LRP1B: variants seen among roughly 807,000 people sequenced by gnomAD.
The protein encoded by LRP1B is low-density lipoprotein receptor-related protein 1B.
LRP1B carries 217 observed loss-of-function variants against 556.6 expected under a neutral mutation model. The observed-to-expected ratio is 0.39, with a 90% CI of 0.35 to 0.44. The LOEUF (loss-of-function observed/expected upper bound fraction) is 0.44. Ranked by LOEUF, LRP1B falls within the 20% of genes least tolerant of loss-of-function variation. The pLI, the probability that LRP1B is intolerant of heterozygous loss-of-function variation, is 1.00. For missense variants in LRP1B, 5,053 were observed against 5,620.8 expected, an observed-to-expected ratio of 0.90 and a Z score of 3.23; for synonymous variants, 2,047 against 1,865.8, an observed-to-expected ratio of 1.10 and a Z score of -2.50.
At chr2:141,598,002 G>A (rs574156178) in intron 2 of LRP1B, among the ~76,000 whole-genome samples, 1 of 152,094 alleles carries the variant, frequency 6.6e-6, no homozygotes, top group East Asian at 1.9e-4. Context: ...GGCCTACACT[G>A]AACTAAGAGA....
chr2:141,564,941 A>G (rs1017132513), intron 2 of LRP1B, among the ~76,000 whole-genome samples: 5 of 152,162 alleles, frequency 3.3e-5, no homozygotes, highest in Non-Finnish European at 7.4e-5. Context: ...CACATTAATA[A>G]TGAATAAAAG....
At position 141,326,555 on chromosome 2, in the gene LRP1B, G is replaced by C. The variant is rs150191102; in HGVS notation, c.344-71914C>G. Among the ~76,000 whole-genome samples, 668 of 152,232 alleles carry C rather than the reference G, an allele frequency of 4.4e-3. 10 individuals are homozygous for C. The highest frequency in any genetic ancestry group is 6.1e-3 in the Non-Finnish European group (415 of 68,002). ...AAATGAAAATGCAGTAGGCAAATCA[G>C]GTAAACCAGTGGTTCCCAACCGATG... is the stretch of plus-strand genomic sequence containing the variant. On this transcript the variant is annotated intron_variant, in intron 3 of 90. Transcript: ENST00000389484.
intron 3 of LRP1B, among the ~76,000 whole-genome samples, chr2:141,370,379 T>G (rs181706653): frequency 3.8e-4 from 58 of 152,354 alleles, no homozygotes; most frequent in Admixed American, 2.2e-3. Flanking sequence ...GTGGTTTTAG[T>G]TCACATTTCC....
chr2:140,671,618 T>G (rs1026892947), intron 41 of LRP1B, among the ~76,000 whole-genome samples: 22 of 152,216 alleles, frequency 1.4e-4, no homozygotes, highest in Middle Eastern at 3.2e-3. Context: ...TTCAGGTGCA[T>G]TACTCGCACA....
intron 3 of LRP1B, among the ~76,000 whole-genome samples, chr2:141,448,597 T>C (rs933306892): frequency 1.3e-5 from 2 of 152,082 alleles, no homozygotes; most frequent in Admixed American, 6.5e-5. Flanking sequence ...CTGGGCCGGA[T>C]TGCACCATTC....
intron 41 of LRP1B, among the ~76,000 whole-genome samples, chr2:140,675,539 A>G (rs1435084110): frequency 6.6e-6 from 1 of 152,232 alleles, no homozygotes; most frequent in Non-Finnish European, 1.5e-5. Flanking sequence ...GTTACCAAAT[A>G]GTCTTTAATT....
intron 77 of LRP1B, among the ~76,000 whole-genome samples, chr2:140,345,905 TCTCAG>T (rs1681651923): frequency 6.7e-6 from 1 of 148,418 alleles, no homozygotes; most frequent in Non-Finnish European, 1.5e-5. Flanking sequence ...TTCTTTCTCA[TCTCAG>T]CTCAAATCTC....
chr2:140,361,024 A>G (rs1038224572), intron 72 of LRP1B, among the ~76,000 whole-genome samples: 10 of 151,202 alleles, frequency 6.6e-5, no homozygotes, highest in African/African-American at 2.2e-4. Context: ...TCATCGATGT[A>G]ACTACCTTTT....
chr2:140,757,746 T>C (rs1424056867), intron 35 of LRP1B, among the ~76,000 whole-genome samples: 1 of 152,146 alleles, frequency 6.6e-6, no homozygotes. Flanking sequence ...CAGGGCATGG[T>C]GGCATGCGCC....
intron 35 of LRP1B, among the ~76,000 whole-genome samples, chr2:140,753,195 A>G (rs1406694428): frequency 6.6e-6 from 1 of 152,214 alleles, no homozygotes; most frequent in African/African-American, 2.4e-5. Context: ...AAGAAATTTC[A>G]ACAGTGTAAC....
At position 140,962,261 on chromosome 2, in the gene LRP1B, A is replaced by C. The variant is rs557615930; in HGVS notation, c.2888-10321T>G. On this transcript the variant is annotated intron_variant, in intron 18 of 90. Transcript: ENST00000389484. ...TATAAGCACATCATGTAGAATTGTC[A>C]TCTCCTTATTGAGGTTTTGCACACC... Among the ~76,000 whole-genome samples the C allele has an allele frequency of 1.2e-4, 18 of 152,272 alleles. 1 individual carries two copies. Among genetic ancestry groups the C allele is most frequent in the African/African-American group, 3.8e-4 (16 of 41,566 alleles).
intron 77 of LRP1B, among the ~76,000 whole-genome samples, chr2:140,338,855 G>A (rs959304853): frequency 4.0e-5 from 6 of 151,578 alleles, no homozygotes; most frequent in Admixed American, 6.6e-5. Flanking sequence ...TTGGAGAGAA[G>A]AAAATATAAA....
intron 12 of LRP1B, 53 bp from the exon 13 acceptor site, chr2:141,015,968 C>A (rs747129527): frequency 5.3e-6 from 7 of 1,309,008 alleles, no homozygotes; most frequent in Non-Finnish European, 7.7e-6. Context: ...CAACCAGCCA[C>A]AGTATAGACA....
chr2:141,764,876 T>C (rs1032680292), intron 2 of LRP1B, among the ~76,000 whole-genome samples: 3 of 151,186 alleles, frequency 2.0e-5, no homozygotes, highest in African/African-American at 7.3e-5. Context: ...AAATATTTTA[T>C]CAGATCAGTT....
intron 18 of LRP1B, 35 bp downstream of exon 18, chr2:140,982,125 A>C: frequency 6.6e-7 from 1 of 1,513,908 alleles, no homozygotes; most frequent in Admixed American, 1.7e-5. Flanking sequence ...ATCTGACACA[A>C]TCTGTAATAA....
intron 6 of LRP1B, among the ~76,000 whole-genome samples, chr2:141,196,283 T>A (rs1031625660): frequency 2.0e-5 from 3 of 152,152 alleles, no homozygotes; most frequent in Non-Finnish European, 4.4e-5. Flanking sequence ...CTACGTCAAG[T>A]GCATTTACTT....
intron 41 of LRP1B, among the ~76,000 whole-genome samples, chr2:140,681,182 A>G (rs1275544934): frequency 6.6e-6 from 1 of 152,224 alleles, no homozygotes. Context: ...TATAAATTGC[A>G]TTATTTCAGA....
At chr2:141,837,684 G>A (rs752182081) in intron 1 of LRP1B, among the ~76,000 whole-genome samples, 65 of 152,034 alleles carry the variant, frequency 4.3e-4, no homozygotes, top group Non-Finnish European at 7.4e-4. Flanking sequence ...AGCATCTAAT[G>A]CCATGTGTAG....
chr2:141,013,595 G>A lies in LRP1B; in HGVS notation c.2341C>T (p.Leu781=), dbSNP rs770528436. The change falls in exon 14 of 91, where the codon CTA becomes TTA. Residue 781 remains leucine (L), a synonymous_variant. Transcript: ENST00000389484. Reference sequence around the variant, plus strand: ...GGATCATAAATCTGAAGCCCAAATAGGGGTGGTCTTTCATGCCTCAGCAAT... The same window carrying A: ...GGATCATAAATCTGAAGCCCAAATAAGGGTGGTCTTTCATGCCTCAGCAAT... ...VTLLRHERPP[L]FGLQIYDPRK... 9.3e-6 allele frequency: 15 copies of A among 1,610,862 alleles called. No homozygotes were observed. The Admixed American group carries it at 1.2e-4, about 13-fold the overall frequency.
Sources: allele counts gnomAD v4.1 joint callset (sites outside exome capture counted in the v4.1 genomes callset), GRCh38; gene constraint gnomAD v4.1.1; transcripts MANE v1.5; gene names NCBI Gene and HGNC (gene_info 2026-07-23, HGNC 2026-07-21).